The following FGF1 variants were observed in gnomAD, a reference collection of about 807,000 sequenced individuals.
FGF1 encodes the protein beta-endothelial cell growth factor.
In FGF1, 9 loss-of-function variants were observed where a neutral mutation model predicts 13.4. That is an observed-to-expected ratio of 0.67 (90% confidence interval 0.40 to 1.17). The LOEUF is 1.17. FGF1 is among the 50% of genes most tolerant of loss of function. The pLI is 0.01. For missense variants in FGF1, 156 were observed against 192.7 expected, an observed-to-expected ratio of 0.81 and a Z score of 1.13; for synonymous variants, 93 against 79.0, an observed-to-expected ratio of 1.18 and a Z score of -0.94.
intron 3 of FGF1, among the ~76,000 whole-genome samples, chr5:142,599,226 G>GAAGA (rs1755936991): frequency 6.6e-6 from 1 of 152,140 alleles, no homozygotes; most frequent in Non-Finnish European, 1.5e-5. Flanking sequence ...CTACCACTTG[G>GAAGA]AAGAACTACC....
At chr5:142,595,850 G>A (rs1755142240) in intron 3 of FGF1, among the ~76,000 whole-genome samples, 1 of 152,174 alleles carries the variant, frequency 6.6e-6, no homozygotes, top group Admixed American at 6.5e-5. Flanking sequence ...GGGCAGGGCT[G>A]GATCTTTCAT....
At chr5:142,644,061 A>T (rs749346997) in intron 1 of FGF1, 5 of 152,200 alleles carry the variant, frequency 3.3e-5, no homozygotes, top group Admixed American at 2.6e-4. Flanking sequence ...GGCCTTCCAG[A>T]ATGTCCCCAG....
At chr5:142,615,102 C>T (rs987514633) in intron 1 of FGF1, among the ~76,000 whole-genome samples, 1 of 152,068 alleles carries the variant, frequency 6.6e-6, no homozygotes, top group African/African-American at 2.4e-5. Context: ...AACCAATGAG[C>T]ATTAGAATTG....
intron 1 of FGF1, among the ~76,000 whole-genome samples, chr5:142,663,872 A>G (rs1160351297): frequency 1.3e-5 from 2 of 152,136 alleles, no homozygotes; most frequent in African/African-American, 4.8e-5. Flanking sequence ...ACACTTGGAG[A>G]GATGAGAGAA....
chr5:142,649,413 T>C (rs1415417592), intron 1 of FGF1, among the ~76,000 whole-genome samples: 3 of 117,856 alleles, frequency 2.5e-5, no homozygotes, highest in African/African-American at 1.4e-4. Flanking sequence ...GTGGACATTG[T>C]TTTTTTTTTT....
At chr5:142,637,160 T>C (rs1260181830) in intron 1 of FGF1, among the ~76,000 whole-genome samples, 1 of 151,866 alleles carries the variant, frequency 6.6e-6, no homozygotes, top group Non-Finnish European at 1.5e-5. Flanking sequence ...GACAGTGGCA[T>C]TTAGCCAGCG....
chr5:142,652,578 A>G (rs1377260796), intron 1 of FGF1, among the ~76,000 whole-genome samples: 1 of 152,174 alleles, frequency 6.6e-6, no homozygotes, highest in Non-Finnish European at 1.5e-5. Context: ...CAGGAGCCCC[A>G]TGGTGTTCTT....
chr5:142,643,231 A>C (rs1247933399), intron 1 of FGF1, among the ~76,000 whole-genome samples: 1 of 152,178 alleles, frequency 6.6e-6, no homozygotes, highest in Non-Finnish European at 1.5e-5. Flanking sequence ...ATTATCGAAG[A>C]TATAAAGAAC....
intron 1 of FGF1, among the ~76,000 whole-genome samples, chr5:142,673,731 C>G (rs529080549): frequency 6.6e-6 from 1 of 152,204 alleles, no homozygotes. Context: ...CTTCACCCCA[C>G]TTAGGGTGAT....
chr5:142,690,873 C>T (rs1752102469), upstream of FGF1, among the ~76,000 whole-genome samples: 1 of 152,210 alleles, frequency 6.6e-6, no homozygotes. Context: ...TCACCTGCTC[C>T]TCATAACGGG....
chr5:142,638,159 A>G (rs781093789), intron 1 of FGF1, among the ~76,000 whole-genome samples: 4 of 152,016 alleles, frequency 2.6e-5, no homozygotes, highest in Non-Finnish European at 5.9e-5. Flanking sequence ...TGTACTGAGT[A>G]AAGACAGATG....
At chr5:142,667,574 A>T (rs1249039863) in intron 1 of FGF1, among the ~76,000 whole-genome samples, 1 of 146,752 alleles carries the variant, frequency 6.8e-6, no homozygotes, top group African/African-American at 2.5e-5. Flanking sequence ...GGACAGAGCG[A>T]GACTCCGTCT....
At chr5:142,657,970 G>A (rs1030873548) in intron 1 of FGF1, among the ~76,000 whole-genome samples, 5 of 152,048 alleles carry the variant, frequency 3.3e-5, no homozygotes, top group Admixed American at 6.5e-5. Flanking sequence ...ATTCTACCCA[G>A]GACTCCCAAA....
At chr5:142,607,540 G>C (rs990205619) in intron 2 of FGF1, among the ~76,000 whole-genome samples, 1 of 152,120 alleles carries the variant, frequency 6.6e-6, no homozygotes, top group African/African-American at 2.4e-5. Flanking sequence ...TTTTAAAAAG[G>C]TACTCTAACG....
intron 1 of FGF1, among the ~76,000 whole-genome samples, chr5:142,637,084 C>T (rs1209968747): frequency 6.6e-6 from 1 of 151,922 alleles, no homozygotes; most frequent in Non-Finnish European, 1.5e-5. Flanking sequence ...AATGCTGTGT[C>T]CACTGCTCAC....
At chr5:142,694,858 A>AC (rs5871825) in intron 2 of FGF1, among the ~76,000 whole-genome samples, 21,961 of 151,902 alleles carry the variant, frequency 0.14, 2,113 homozygotes, top group African/African-American at 0.28. Flanking sequence ...CAGGGGAGTG[A>AC]CCCCTCACCC....
At chr5:142,692,423 C>T (rs1051528182) in intron 2 of FGF1, among the ~76,000 whole-genome samples, 3 of 152,184 alleles carry the variant, frequency 2.0e-5, no homozygotes, top group African/African-American at 7.2e-5. Context: ...CTCAGCAGAA[C>T]ATCAAACCAA....
chr5:142,595,541 G>A, intron 3 of FGF1, 57 bp from the exon 4 acceptor site: 1 of 1,469,332 alleles, frequency 6.8e-7, no homozygotes, highest in Non-Finnish European at 9.4e-7. Flanking sequence ...TCACATGGGG[G>A]TCCCCATTTA....
chr5:142,664,100 G>C (rs540464013), intron 1 of FGF1, among the ~76,000 whole-genome samples: 1 of 152,192 alleles, frequency 6.6e-6, no homozygotes, highest in Non-Finnish European at 1.5e-5. Flanking sequence ...TAAAGTCCAG[G>C]GGGAGTGAGC....
Sources: allele counts gnomAD v4.1 joint callset (sites outside exome capture counted in the v4.1 genomes callset), GRCh38; gene constraint gnomAD v4.1.1; transcripts MANE v1.5; gene names NCBI Gene and HGNC (gene_info 2026-07-23, HGNC 2026-07-21).